CD96: variants seen among roughly 807,000 people sequenced by gnomAD.
The protein encoded by CD96 is CD96 molecule.
A neutral mutation model predicts 71.3 loss-of-function variants in CD96; 70 were observed. The ratio of observed to expected loss-of-function variants is 0.98; its 90% CI spans 0.81 to 1.20. The LOEUF (loss-of-function observed/expected upper bound fraction) is 1.20, where lower values mean the gene tolerates loss of function less well. Ranked by LOEUF, CD96 falls within the 50% of genes most tolerant of loss-of-function variation. The probability of loss-of-function intolerance (pLI) is 0.00; values close to 1 mark genes in which losing one functional copy is unlikely to be tolerated. For synonymous variants in CD96, 248 were observed against 233.0 expected (o/e 1.06, Z -0.59); for missense variants, 742 against 677.5 (o/e 1.10, Z -1.06).
At chr3:111,608,145 T>C (rs1206582628) in intron 8 of CD96, among the ~76,000 whole-genome samples, 1 of 152,208 alleles carries the variant, frequency 6.6e-6, no homozygotes, top group African/African-American at 2.4e-5. Context: ...TGACTGGAAC[T>C]AAAGAATCTG....
intron 6 of CD96, among the ~76,000 whole-genome samples, chr3:111,598,449 A>C (rs946448599): frequency 2.0e-5 from 3 of 152,200 alleles, no homozygotes; most frequent in Non-Finnish European, 2.9e-5. Flanking sequence ...ACAACATCCA[A>C]ATATTTTATT....
At chr3:111,572,477 A>G (rs989903720) in intron 3 of CD96, among the ~76,000 whole-genome samples, 2 of 152,236 alleles carry the variant, frequency 1.3e-5, no homozygotes, top group Non-Finnish European at 2.9e-5. Flanking sequence ...GGACACAAAT[A>G]TTCCAGCCAA....
chr3:111,622,493 G>T (rs1029569441), intron 8 of CD96, among the ~76,000 whole-genome samples: 5 of 152,114 alleles, frequency 3.3e-5, no homozygotes, highest in African/African-American at 4.8e-5. Flanking sequence ...GCAAAAAAAG[G>T]TTATCATTGA....
intron 5 of CD96, chr3:111,593,893 T>C: frequency 6.2e-7 from 1 of 1,613,652 alleles, no homozygotes; most frequent in Non-Finnish European, 8.5e-7. Flanking sequence ...TGTGCATGCT[T>C]TTCAGATGCT....
At chr3:111,600,400 T>C (rs1937439509) in intron 6 of CD96, among the ~76,000 whole-genome samples, 1 of 152,220 alleles carries the variant, frequency 6.6e-6, no homozygotes, top group East Asian at 1.9e-4. Flanking sequence ...TAGGTATAAA[T>C]TATCAGTCTC....
chr3:111,636,908 A>G (rs1390252244), intron 10 of CD96, among the ~76,000 whole-genome samples: 1 of 152,016 alleles, frequency 6.6e-6, no homozygotes, highest in African/African-American at 2.4e-5. Context: ...AATGAGCATG[A>G]CACACTCTGG....
At chr3:111,568,845 C>A (rs961393481) in intron 3 of CD96, among the ~76,000 whole-genome samples, 3 of 152,068 alleles carry the variant, frequency 2.0e-5, no homozygotes, top group South Asian at 2.1e-4. Flanking sequence ...ATACAGTAAA[C>A]CCCTAAAACT....
At chr3:111,664,673 CAAAAA>C (rs935611108) in intron 14 of CD96, among the ~76,000 whole-genome samples, 1 of 150,208 alleles carries the variant, frequency 6.7e-6, no homozygotes, top group Non-Finnish European at 1.5e-5. Context: ...AAATTTTAAA[CAAAAA>C]AAAGGTATAT....
chr3:111,607,768 A>T (rs1335800020), intron 8 of CD96, among the ~76,000 whole-genome samples: 4 of 152,094 alleles, frequency 2.6e-5, no homozygotes, highest in Non-Finnish European at 5.9e-5. Flanking sequence ...CTTGCAAACC[A>T]CCCATCAAAA....
intron 14 of CD96, among the ~76,000 whole-genome samples, chr3:111,658,056 A>G (rs928351452): frequency 1.3e-5 from 2 of 152,238 alleles, no homozygotes; most frequent in African/African-American, 4.8e-5. Context: ...GGTCTTCAGT[A>G]TAATTTCCTG....
Position 111,594,161 on chromosome 3 carries a change from A to G in CD96, c.808-3959A>G, listed in dbSNP as rs534684576. The G allele has an allele frequency of 1.1e-5, 18 of 1,610,528 alleles. No homozygotes were observed. The East Asian group carries it at 3.8e-4, about 34-fold the overall frequency. On this transcript the variant is annotated intron_variant, in intron 5 of 13. Transcript: ENST00000352690. ...CATCTCTAAGTCCCCTTTTGCCTTC[A>G]TCATTGTTCCCTCCTCTTCCTCGTC...
intron 8 of CD96, among the ~76,000 whole-genome samples, chr3:111,608,294 C>T (rs1408458845): frequency 1.3e-5 from 2 of 152,188 alleles, no homozygotes; most frequent in Non-Finnish European, 2.9e-5. Context: ...AGCCATATTG[C>T]CTTTTTATGG....
Position 111,649,947 on chromosome 3 carries a change from C to T in CD96, c.*141C>T, listed in dbSNP as rs1650136762. Reference sequence around the variant, plus strand: ...AAGTCAGAAGTGAGTGACCTGTTTTCCCAGCAACTCACCCTCTTCCATCTC... The same window carrying T: ...AAGTCAGAAGTGAGTGACCTGTTTTTCCAGCAACTCACCCTCTTCCATCTC... On this transcript the variant is annotated 3_prime_UTR_variant, in exon 14 of 14. Transcript: ENST00000352690. 5.7e-6 allele frequency: 4 copies of T among 696,924 alleles called. No individual in the cohort carries two copies. Among genetic ancestry groups the T allele is most frequent in the African/African-American group, 1.8e-5 (1 of 57,088 alleles). 43.2% of individuals were successfully genotyped at this position (696,924 alleles called of 1,614,324 possible).
chr3:111,624,898 T>A (rs1181589563), intron 10 of CD96, among the ~76,000 whole-genome samples: 1 of 152,256 alleles, frequency 6.6e-6, no homozygotes, highest in Non-Finnish European at 1.5e-5. Flanking sequence ...CAACTAGCAG[T>A]AGAGTCTGTA....
chr3:111,584,722 C>T (rs531271523), intron 4 of CD96, among the ~76,000 whole-genome samples: 9 of 152,268 alleles, frequency 5.9e-5, no homozygotes, highest in South Asian at 4.1e-4. Flanking sequence ...GACCAGCCCC[C>T]GTGATTCAAT....
At chr3:111,626,424 C>G (rs1449211087) in intron 10 of CD96, among the ~76,000 whole-genome samples, 2 of 150,630 alleles carry the variant, frequency 1.3e-5, no homozygotes, top group East Asian at 3.9e-4. Context: ...ATTAAGAAAT[C>G]TGATATTGCC....
chr3:111,565,193 C>T (rs1364557536), intron 2 of CD96, among the ~76,000 whole-genome samples: 1 of 152,154 alleles, frequency 6.6e-6, no homozygotes, highest in Admixed American at 6.5e-5. Flanking sequence ...TAAGATCCAT[C>T]AGAAGCCCAG....
chr3:111,603,444 C>CAA, intron 7 of CD96, among the ~76,000 whole-genome samples: 1 of 132,816 alleles, frequency 7.5e-6, no homozygotes, highest in South Asian at 2.4e-4. Flanking sequence ...GGCTTTGTCT[C>CAA]AAAAAAAAAA....
chr3:111,624,746 A>G (rs1259182904), intron 10 of CD96, among the ~76,000 whole-genome samples: 1 of 149,892 alleles, frequency 6.7e-6, no homozygotes. Flanking sequence ...GCAATGCTAT[A>G]ACCAGTCAAC....
Sources: allele counts gnomAD v4.1 joint callset (sites outside exome capture counted in the v4.1 genomes callset), GRCh38; gene constraint gnomAD v4.1.1; transcripts MANE v1.5; gene names NCBI Gene and HGNC (gene_info 2026-07-23, HGNC 2026-07-21).